Variants in VPS13B observed in about 807,000 individuals in gnomAD.
The protein encoded by VPS13B is intermembrane lipid transfer protein VPS13B.
A neutral mutation model predicts 426.4 loss-of-function variants in VPS13B; 285 were observed. That is an observed-to-expected ratio of 0.67 (90% CI 0.61 to 0.74). The LOEUF is 0.74. Among genes scored for constraint, VPS13B ranks in the 30% least tolerant of loss-of-function variants. The probability of loss-of-function intolerance (pLI) is 0.00; values close to 1 mark genes in which losing one functional copy is unlikely to be tolerated. For missense variants in VPS13B, 4,537 were observed against 4,782.6 expected (o/e 0.95, Z 1.51); for synonymous variants, 1,676 against 1,676.4 (o/e 1.00, Z 0.01).
intron 35 of VPS13B, among the ~76,000 whole-genome samples, chr8:99,676,787 T>G (rs1830952635): frequency 6.6e-6 from 1 of 152,058 alleles, no homozygotes. Context: ...ACCCTCATAA[T>G]ATGATTTTTA....
chr8:99,139,367 A>T (rs1407856493), intron 12 of VPS13B, among the ~76,000 whole-genome samples: 1 of 151,718 alleles, frequency 6.6e-6, no homozygotes, highest in African/African-American at 2.4e-5. Context: ...CACACACAGT[A>T]TGTGGGATTT....
intron 44 of VPS13B, 148 bp from the exon 45 acceptor site, chr8:99,817,390 CAA>C: frequency 9.3e-7 from 1 of 1,073,566 alleles, no homozygotes; most frequent in Non-Finnish European, 1.3e-6. Flanking sequence ...TTCTTGACTT[CAA>C]GTCTTTTTTC....
At chr8:99,455,752 A>T (rs1239433545) in intron 23 of VPS13B, among the ~76,000 whole-genome samples, 1 of 152,104 alleles carries the variant, frequency 6.6e-6, no homozygotes, top group Non-Finnish European at 1.5e-5. Context: ...GGCTTCTTTC[A>T]CTTGGTGTAA....
chr8:99,405,615 C>T (rs758575517), intron 21 of VPS13B, among the ~76,000 whole-genome samples: 1 of 152,114 alleles, frequency 6.6e-6, no homozygotes, highest in African/African-American at 2.4e-5. Context: ...CCTGCTTAAT[C>T]GCAGTAGTTG....
chr8:99,603,504 A>AG (rs1421375246), intron 33 of VPS13B, among the ~76,000 whole-genome samples: 1 of 152,200 alleles, frequency 6.6e-6, no homozygotes. Flanking sequence ...TTATTAAAAT[A>AG]AGGGTTACTT....
At chr8:99,185,790 TTTATTTAAAA>T (rs1282198802) in intron 16 of VPS13B, among the ~76,000 whole-genome samples, 4 of 152,202 alleles carry the variant, frequency 2.6e-5, no homozygotes, top group African/African-American at 9.6e-5. Flanking sequence ...TTCCATCATT[TTTATTTAAAA>T]TTTAGAAGAA....
intron 15 of VPS13B, among the ~76,000 whole-genome samples, chr8:99,168,298 C>T (rs1812130942): frequency 6.6e-6 from 1 of 152,034 alleles, no homozygotes; most frequent in South Asian, 2.1e-4. Context: ...TTCCCCAAAG[C>T]CCTTTGCAAT....
intron 17 of VPS13B, among the ~76,000 whole-genome samples, chr8:99,235,296 C>A (rs1423922668): frequency 1.3e-5 from 2 of 152,140 alleles, no homozygotes; most frequent in Non-Finnish European, 2.9e-5. Context: ...TATTAAAAAT[C>A]AACTCTTAAC....
intron 34 of VPS13B, among the ~76,000 whole-genome samples, chr8:99,653,787 C>A (rs1208473399): frequency 1.3e-5 from 2 of 152,094 alleles, no homozygotes; most frequent in Admixed American, 1.3e-4. Context: ...TTAATCCCTT[C>A]CTTTTCCTGT....
chr8:99,046,114 G>A (rs541940662), intron 3 of VPS13B, among the ~76,000 whole-genome samples: 1 of 152,108 alleles, frequency 6.6e-6, no homozygotes, highest in East Asian at 1.9e-4. Context: ...GAATTGTATT[G>A]AATTTGTAGA....
intron 39 of VPS13B, among the ~76,000 whole-genome samples, chr8:99,723,891 A>G (rs1833228556): frequency 1.3e-5 from 2 of 152,186 alleles, no homozygotes; most frequent in African/African-American, 2.4e-5. Context: ...GCTGGATCCT[A>G]GTGGTGAGAA....
chr8:99,739,132 G>A (rs933843146), intron 39 of VPS13B, among the ~76,000 whole-genome samples: 2 of 152,194 alleles, frequency 1.3e-5, no homozygotes, highest in Non-Finnish European at 2.9e-5. Flanking sequence ...CCCTAATACT[G>A]TGCTTTTCCA....
At chr8:99,431,150 C>A (rs532823415) in intron 21 of VPS13B, among the ~76,000 whole-genome samples, 14 of 152,144 alleles carry the variant, frequency 9.2e-5, no homozygotes, top group African/African-American at 3.4e-4. Context: ...TCTTTTTCTT[C>A]CAAGAAAAGA....
intron 24 of VPS13B, among the ~76,000 whole-genome samples, chr8:99,478,473 GTT>G (rs1237481014): frequency 3.6e-5 from 2 of 55,526 alleles, no homozygotes; most frequent in Non-Finnish European, 7.4e-5. Context: ...TTTGTTTTTT[GTT>G]TTTTTTTTTT....
intron 17 of VPS13B, among the ~76,000 whole-genome samples, chr8:99,225,678 T>G (rs1023667710): frequency 3.9e-5 from 6 of 152,224 alleles, no homozygotes; most frequent in Non-Finnish European, 8.8e-5. Flanking sequence ...TGCTAAACCT[T>G]CCTGGGCTCT....
At chr8:99,207,584 A>C (rs191703937) in intron 17 of VPS13B, among the ~76,000 whole-genome samples, 13 of 152,344 alleles carry the variant, frequency 8.5e-5, no homozygotes, top group Admixed American at 3.3e-4. Flanking sequence ...ATATTTGAAA[A>C]GTAGGCAATA....
chr8:99,485,922 T>C (rs1459376805), intron 25 of VPS13B, among the ~76,000 whole-genome samples: 2 of 152,208 alleles, frequency 1.3e-5, no homozygotes. Flanking sequence ...ATTTCTTAAC[T>C]CCATTTATTG....
At chr8:99,828,425 T>TGC in intron 51 of VPS13B, among the ~76,000 whole-genome samples, 2 of 112,312 alleles carry the variant, frequency 1.8e-5, no homozygotes, top group African/African-American at 6.8e-5. Flanking sequence ...TTTTTTTTTT[T>TGC]TTTTTTTTTG....
chr8:99,443,352 T>C (rs888457193), intron 23 of VPS13B, among the ~76,000 whole-genome samples: 1 of 152,180 alleles, frequency 6.6e-6, no homozygotes, highest in African/African-American at 2.4e-5. Context: ...CTGAAATTTC[T>C]ACATACTGTC....
Sources: gnomAD v4.1 joint callset for allele counts (sites outside exome capture counted in the v4.1 genomes callset) on GRCh38, gnomAD v4.1.1 for gene constraint, MANE v1.5 for transcripts, NCBI Gene and HGNC (gene_info 2026-07-23, HGNC 2026-07-21) for gene names.